SPTBN1: variants seen among roughly 807,000 people sequenced by gnomAD.
SPTBN1 encodes spectrin beta, non-erythrocytic 1.
SPTBN1 carries 32 observed loss-of-function variants against 266.4 expected under a neutral mutation model. That is an observed-to-expected ratio of 0.12 (90% CI 0.09 to 0.16). The LOEUF is 0.16. SPTBN1 is among the 10% of genes least tolerant of loss of function. The pLI is 1.00. For synonymous variants in SPTBN1, 1,336 were observed against 1,162.2 expected, an observed-to-expected ratio of 1.15 and a Z score of -3.04; for missense variants, 2,296 against 3,067.1, an observed-to-expected ratio of 0.75 and a Z score of 5.94.
chr2:54,637,928 C>T, intron 18 of SPTBN1, 125 bp downstream of exon 18: 1 of 761,358 alleles, frequency 1.3e-6, no homozygotes, highest in African/African-American at 1.8e-5. Flanking sequence ...ACCCATTTGA[C>T]TCGCAGGCAG....
At chr2:54,568,638 T>C (rs1301812154) in intron 2 of SPTBN1, among the ~76,000 whole-genome samples, 1 of 152,222 alleles carries the variant, frequency 6.6e-6, no homozygotes, top group Non-Finnish European at 1.5e-5. Flanking sequence ...GGGATTTTCC[T>C]ATTTGCTAGT....
rs1300189849 is a variant in SPTBN1 at position 54,650,078 on chromosome 2, G to A, written c.5577+89G>A. 3.4e-6 allele frequency: 5 copies of A among 1,483,394 alleles called. No homozygotes were observed. The African/African-American group carries it at 5.6e-5, about 17-fold the overall frequency. The allele number at this position is 1,483,394 out of a possible 1,614,324, so 91.9% of individuals were successfully genotyped here. ...TCTGTAAGTATCTCCCTGTTCCTTG[G>A]CTCTTCAAAAGAATTGCCCCAATTA... On this transcript the variant is annotated intron_variant, in intron 26 of 35. Transcript: ENST00000356805.
chr2:54,508,538 G>A (rs1052604940), intron 1 of SPTBN1, among the ~76,000 whole-genome samples: 1 of 141,474 alleles, frequency 7.1e-6, no homozygotes, highest in African/African-American at 3.2e-5. Flanking sequence ...GGTTCTAAGA[G>A]GCGGGCTAGC....
Position 54,647,000 on chromosome 2 carries a change from C to A in SPTBN1, c.4867-131C>A. On this transcript the variant is annotated intron_variant, in intron 23 of 35. Coordinates refer to ENST00000356805, the MANE Select transcript of SPTBN1 (RefSeq NM_003128.3). This position sits in a 1 kb window ranked among gnomAD's most constrained non-coding sequence, Gnocchi z 4.4. Reference sequence around the variant, plus strand: ...TGGAACACTTCTGTGTTCCACTGTCCGTACTGCACCTCTGGAGTTTTTCTT... The same window carrying A: ...TGGAACACTTCTGTGTTCCACTGTCAGTACTGCACCTCTGGAGTTTTTCTT... The A allele has an allele frequency of 7.5e-7, 1 of 1,327,056 alleles. No homozygotes were observed. The highest frequency in any genetic ancestry group is 1.0e-6 in the Non-Finnish European group (1 of 964,834). 82.2% of individuals were successfully genotyped at this position (1,327,056 alleles called of 1,614,324 possible). A position where few individuals can be genotyped will look rare whatever the true frequency, so the allele number is the denominator to read the frequency against.
At position 54,631,572 on chromosome 2, in the gene SPTBN1, C is replaced by T; in HGVS notation, c.3525C>T (p.Leu1175=). 1.2e-6 allele frequency: 2 copies of T among 1,613,930 alleles called. No individual in the cohort carries two copies. The highest frequency in any genetic ancestry group is 2.7e-5 in the African/African-American group (2 of 75,076). The change falls in exon 16 of 36, where the codon CTC becomes CTT. Residue 1175 remains leucine (L), a synonymous_variant. Coordinates refer to ENST00000356805, the MANE Select transcript of SPTBN1 (RefSeq NM_003128.3). ...AGTCACATGCCTACCAGCAGTTCCT[C>T]AGAGACACGAAGCAAGCCGAAGCCT... ...LSQSHAYQQF[L]RDTKQAEAFL... is the part of the protein sequence containing the mutation.
chr2:54,660,239 T>C (rs1369849386), intron 32 of SPTBN1: 2 of 1,382,392 alleles, frequency 1.4e-6, no homozygotes, highest in Non-Finnish European at 1.9e-6. Context: ...TTTGAGTCTC[T>C]TAACTGATGG....
intron 3 of SPTBN1, among the ~76,000 whole-genome samples, chr2:54,610,568 C>T (rs1558425320): frequency 4.6e-5 from 7 of 152,146 alleles, no homozygotes; most frequent in Admixed American, 3.9e-4. Flanking sequence ...CCCAGCCAAA[C>T]GCTGCATTTT....
chr2:54,505,450 T>G (rs1394466353), intron 1 of SPTBN1, among the ~76,000 whole-genome samples: 2 of 152,234 alleles, frequency 1.3e-5, no homozygotes, highest in African/African-American at 2.4e-5. Context: ...CTCTGCTCTC[T>G]GCATTTTTGG....
At chr2:54,657,350 A>G (rs1014662050) in intron 29 of SPTBN1, among the ~76,000 whole-genome samples, 1 of 151,758 alleles carries the variant, frequency 6.6e-6, no homozygotes, top group African/African-American at 2.4e-5. Context: ...GAATTCCTGC[A>G]GGTCTCTGAA....
intron 3 of SPTBN1, among the ~76,000 whole-genome samples, chr2:54,600,731 G>A (rs891507765): frequency 1.9e-5 from 1 of 53,012 alleles, no homozygotes; most frequent in Non-Finnish European, 3.9e-5. Flanking sequence ...TTTTTTTTTT[G>A]TGGAGTGGGG....
rs1031693723 is a variant in SPTBN1 at position 54,664,981 on chromosome 2, A to C, written c.6659+290A>C. 2 of 364,976 alleles carry C rather than the reference A, an allele frequency of 5.5e-6. No homozygotes were observed. The highest frequency in any genetic ancestry group is 4.1e-5 in the African/African-American group (2 of 48,966). 22.6% of individuals were successfully genotyped at this position (364,976 alleles called of 1,614,324 possible). Reference sequence around the variant, plus strand: ...GAGACTGAAGAGTCTTCTTTACTTTAAGTGATTGATTTCATTTAGGACTCC... The same window carrying C: ...GAGACTGAAGAGTCTTCTTTACTTTCAGTGATTGATTTCATTTAGGACTCC... On this transcript the variant is annotated intron_variant, in intron 33 of 35. Coordinates refer to ENST00000356805, the MANE Select transcript of SPTBN1 (RefSeq NM_003128.3). The surrounding 1 kb of genome is among the most constrained non-coding windows in gnomAD (Gnocchi z 5.6).
intron 3 of SPTBN1, among the ~76,000 whole-genome samples, chr2:54,606,808 G>T (rs180839991): frequency 4.6e-5 from 7 of 152,202 alleles, no homozygotes; most frequent in African/African-American, 7.2e-5. Flanking sequence ...GGATAGGAGC[G>T]TAATGGTGTC....
At chr2:54,460,627 G>A (rs944816476) in intron 1 of SPTBN1, among the ~76,000 whole-genome samples, 3 of 152,036 alleles carry the variant, frequency 2.0e-5, no homozygotes, top group African/African-American at 2.4e-5. Flanking sequence ...CTGCCCTCTC[G>A]TCCAGTCTTT....
Position 54,646,328 on chromosome 2 carries a change from G to A in SPTBN1, c.4719G>A (p.Leu1573=), listed in dbSNP as rs371381949. The change falls in exon 23 of 36, where the codon CTG becomes CTA. Residue 1573 remains leucine (L), a synonymous_variant. Transcript: ENST00000356805. This position sits in a 1 kb window ranked among gnomAD's most constrained non-coding sequence, Gnocchi z 4.4. ...IRQRLADLKQ[L]WGLLIEETEK... ...AGAGGCTTGCCGACCTGAAGCAGCTGTGGGGTCTCCTCATTGAGGAGACAG... is the reference window on the plus strand; with the variant it reads ...AGAGGCTTGCCGACCTGAAGCAGCTATGGGGTCTCCTCATTGAGGAGACAG... The A allele has an allele frequency of 6.2e-7, 1 of 1,614,198 alleles. No homozygotes were observed. Among genetic ancestry groups the A allele is most frequent in the East Asian group, 2.2e-5 (1 of 44,884 alleles).
At chr2:54,539,760 T>G (rs1671826340) in intron 2 of SPTBN1, among the ~76,000 whole-genome samples, 1 of 152,202 alleles carries the variant, frequency 6.6e-6, no homozygotes, top group Non-Finnish European at 1.5e-5. Flanking sequence ...CAGGCTGGTC[T>G]TGAACTCCTG....
At chr2:54,620,507 G>A (rs946573819) in intron 7 of SPTBN1, among the ~76,000 whole-genome samples, 12 of 152,186 alleles carry the variant, frequency 7.9e-5, no homozygotes. Flanking sequence ...TACAGTGCTA[G>A]GTACAGTGGC....
chr2:54,640,203 C>T (rs959546303), intron 18 of SPTBN1, among the ~76,000 whole-genome samples: 1 of 152,074 alleles, frequency 6.6e-6, no homozygotes, highest in African/African-American at 2.4e-5. Flanking sequence ...TGTGTGTGGA[C>T]CAGCCCTACA....
Position 54,659,227 on chromosome 2 carries a change from G to GCAC in SPTBN1, c.6318_6320dup (p.Thr2107dup). The GCAC allele has an allele frequency of 6.2e-7, 1 of 1,614,148 alleles. No individual in the cohort carries two copies. The stretch of plus-strand genomic sequence containing the variant: ...AGGCGGCCGCCTTCTCCCGAGCCGA[G>GCAC]CACGAAGGTTTCAGAGGAAGCCGAG... On this transcript the variant is annotated inframe_insertion, in exon 31 of 36. Transcript: ENST00000356805.
chr2:54,471,736 T>C (rs1329100066), intron 1 of SPTBN1, among the ~76,000 whole-genome samples: 1 of 151,590 alleles, frequency 6.6e-6, no homozygotes, highest in Non-Finnish European at 1.5e-5. Flanking sequence ...AAACTTGGCA[T>C]TTCTTTTGAG....
Sources: gnomAD v4.1 joint callset for allele counts (sites outside exome capture counted in the v4.1 genomes callset) on GRCh38, gnomAD v4.1.1 for gene constraint, Gnocchi (gnomAD v3.1) non-coding constraint, MANE v1.5 for transcripts, NCBI Gene and HGNC (gene_info 2026-07-23, HGNC 2026-07-21) for gene names.